The following RB1 variants were observed in gnomAD, a reference collection of about 807,000 sequenced individuals.
The protein encoded by RB1 is retinoblastoma-associated protein.
In RB1, 18 loss-of-function variants were observed where a neutral mutation model predicts 135.4. The ratio of observed to expected loss-of-function variants is 0.13; its 90% CI spans 0.09 to 0.20. The LOEUF (loss-of-function observed/expected upper bound fraction) is 0.20, where lower values mean the gene tolerates loss of function less well. Among genes scored for constraint, RB1 ranks in the 10% least tolerant of loss-of-function variants. The probability of loss-of-function intolerance (pLI) is 1.00; values close to 1 mark genes in which losing one functional copy is unlikely to be tolerated. For missense variants in RB1, 868 were observed against 1,110.0 expected, an observed-to-expected ratio of 0.78 and a Z score of 3.10; for synonymous variants, 365 against 373.2, an observed-to-expected ratio of 0.98 and a Z score of 0.25.
chr13:48,393,182 T>G (rs911854893), intron 17 of RB1, among the ~76,000 whole-genome samples: 1 of 152,224 alleles, frequency 6.6e-6, no homozygotes, highest in Non-Finnish European at 1.5e-5. Flanking sequence ...AGTAGTATCA[T>G]CACATCCATG....
At chr13:48,307,487 G>T in intron 2 of RB1, 81 bp downstream of exon 2, 1 of 1,371,912 alleles carries the variant, frequency 7.3e-7, no homozygotes, top group East Asian at 2.4e-5. Flanking sequence ...AAAATTGAAA[G>T]ATAGAAAAAT....
At chr13:48,423,929 A>G (rs1167693401) in intron 17 of RB1, 1 of 152,572 alleles carries the variant, frequency 6.6e-6, no homozygotes, top group Non-Finnish European at 1.5e-5. Context: ...TCTCTTGAAG[A>G]AAGAAAGAAA....
intron 2 of RB1, chr13:48,332,868 C>G: frequency 2.5e-6 from 1 of 392,956 alleles, no homozygotes; most frequent in Non-Finnish European, 4.5e-6. Context: ...TATGTTTTTT[C>G]CTATCCTGTA....
At chr13:48,479,114 G>C (rs1949521550) in intron 26 of RB1, among the ~76,000 whole-genome samples, 1 of 152,102 alleles carries the variant, frequency 6.6e-6, no homozygotes, top group South Asian at 2.1e-4. Flanking sequence ...TGTAGTCTTG[G>C]CTACTGGAGA....
Position 48,465,114 on chromosome 13 carries a change from A to G in RB1, c.2325+3A>G, listed in dbSNP as rs2138345086. On this transcript the variant is annotated splice_donor_region_variant and intron_variant, in intron 22 of 26. Transcript: ENST00000267163. ...TTTTGCAGTATGCTTCCACCAGGGT[A>G]GGTCAAAAGTATCCTTTGATTGGAA... 1 of 1,613,686 alleles carries G rather than the reference A, an allele frequency of 6.2e-7. No homozygotes were observed. The highest frequency in any genetic ancestry group is 8.5e-7 in the Non-Finnish European group (1 of 1,179,642).
intron 6 of RB1, among the ~76,000 whole-genome samples, chr13:48,356,829 C>G (rs918802139): frequency 2.6e-5 from 4 of 151,740 alleles, no homozygotes; most frequent in Admixed American, 2.0e-4. Flanking sequence ...TTTTTGGTTC[C>G]ATGTTCTTTA....
intron 17 of RB1, chr13:48,412,857 G>A (rs1252203582): frequency 5.2e-6 from 1 of 193,484 alleles, no homozygotes; most frequent in Non-Finnish European, 1.2e-5. Context: ...GCCTCAGAAT[G>A]TTAAGCTTAA....
At chr13:48,341,939 T>C (rs1471501213) in intron 2 of RB1, among the ~76,000 whole-genome samples, 5 of 151,966 alleles carry the variant, frequency 3.3e-5, no homozygotes, top group African/African-American at 9.7e-5. Flanking sequence ...GGGTGGTATA[T>C]ATTGTGGGGA....
intron 17 of RB1, among the ~76,000 whole-genome samples, chr13:48,383,194 A>G: frequency 6.6e-6 from 1 of 152,048 alleles, no homozygotes; most frequent in East Asian, 1.9e-4. Flanking sequence ...AGTAGGATTC[A>G]TTTTTTCCCA....
At position 48,452,980 on chromosome 13, in the gene RB1, A is replaced by C; in HGVS notation, c.1696-13A>C. 1.9e-6 allele frequency: 3 copies of C among 1,611,656 alleles called. No homozygotes were observed. Among genetic ancestry groups the C allele is most frequent in the Non-Finnish European group, 2.5e-6 (3 of 1,179,368 alleles). The stretch of plus-strand genomic sequence containing the variant: ...TTACTAATGTGGTTTTAATTTCATC[A>C]TGTTTCATATAGGATTCACCTTTAT... On this transcript the variant is annotated splice_polypyrimidine_tract_variant and intron_variant, in intron 17 of 26. Coordinates refer to ENST00000267163, the MANE Select transcript of RB1 (RefSeq NM_000321.3).
chr13:48,445,471 G>GAACATCAGT (rs1230551711), intron 17 of RB1, among the ~76,000 whole-genome samples: 28 of 152,282 alleles, frequency 1.8e-4, no homozygotes, highest in African/African-American at 6.7e-4. Context: ...GGGTACTTTA[G>GAACATCAGT]TTCTGGTGGC....
At chr13:48,450,101 T>A (rs2138323788) in intron 17 of RB1, among the ~76,000 whole-genome samples, 1 of 151,970 alleles carries the variant, frequency 6.6e-6, no homozygotes, top group East Asian at 1.9e-4. Flanking sequence ...TATATTTTTT[T>A]TTTTTTGCTG....
chr13:48,335,566 A>C (rs1047893109), intron 2 of RB1, among the ~76,000 whole-genome samples: 8 of 152,050 alleles, frequency 5.3e-5, no homozygotes, highest in African/African-American at 1.9e-4. Flanking sequence ...ATTATTCTCA[A>C]ATATGTTTGT....
In RB1 at chr13:48,421,261, A is replaced by G. The variant is rs61948662; in HGVS notation, c.1696-31732A>G. On this transcript the variant is annotated intron_variant, in intron 17 of 26. Transcript: ENST00000267163. Reference sequence around the variant, plus strand: ...TACAACCATCTCATCTTTGACAAAGATGAGACAAAGGATTCCGTTTAATAA... The same window carrying G: ...TACAACCATCTCATCTTTGACAAAGGTGAGACAAAGGATTCCGTTTAATAA... 3.5e-3 allele frequency among the ~76,000 whole-genome samples: 533 copies of G among 151,184 alleles called. 1 individual carries two copies. The highest frequency in any genetic ancestry group is 0.011 in the South Asian group (52 of 4,804).
chr13:48,358,308 C>T (rs1160720578), intron 6 of RB1, among the ~76,000 whole-genome samples: 3 of 152,024 alleles, frequency 2.0e-5, no homozygotes, highest in Non-Finnish European at 4.4e-5. Flanking sequence ...TTTTCCCCCT[C>T]GTATTGCTGG....
At chr13:48,451,337 G>C (rs1028507793) in intron 17 of RB1, among the ~76,000 whole-genome samples, 1 of 152,082 alleles carries the variant, frequency 6.6e-6, no homozygotes, top group South Asian at 2.1e-4. Flanking sequence ...TTAACATTAT[G>C]TTGAATTTTA....
intron 17 of RB1, among the ~76,000 whole-genome samples, chr13:48,406,932 G>A (rs903614123): frequency 6.6e-6 from 1 of 152,084 alleles, no homozygotes; most frequent in Non-Finnish European, 1.5e-5. Flanking sequence ...TTACCCTGGC[G>A]CTACATTAAT....
In RB1 at chr13:48,342,810, T is replaced by C. The variant is rs889382703; in HGVS notation, c.380+96T>C. 8.6e-6 allele frequency: 7 copies of C among 810,402 alleles called. No homozygotes were observed. In the African/African-American group the frequency reaches 1.0e-4, roughly 12 times the overall value. 50.2% of individuals were successfully genotyped at this position (810,402 alleles called of 1,614,324 possible). On this transcript the variant is annotated intron_variant, in intron 3 of 26. Coordinates refer to ENST00000267163, the MANE Select transcript of RB1 (RefSeq NM_000321.3). ...ACTTTTGTGAATTAGTGAGAAATGC[T>C]AAAATAAAGTAAAACAAAAAGAACT...
intron 6 of RB1, among the ~76,000 whole-genome samples, chr13:48,353,894 C>A (rs925571648): frequency 6.6e-6 from 1 of 152,040 alleles, no homozygotes; most frequent in Non-Finnish European, 1.5e-5. Flanking sequence ...CAGCATCCTT[C>A]ATGCCCAAAA....
Sources: allele counts gnomAD v4.1 joint callset (sites outside exome capture counted in the v4.1 genomes callset), GRCh38; gene constraint gnomAD v4.1.1; transcripts MANE v1.5; gene names NCBI Gene and HGNC (gene_info 2026-07-23, HGNC 2026-07-21).